The following GRM1 variants were observed in gnomAD, a reference collection of about 807,000 sequenced individuals.
GRM1 encodes metabotropic glutamate receptor 1.
GRM1 carries 33 observed loss-of-function variants against 90.9 expected under a neutral mutation model. The observed-to-expected ratio is 0.36, with a 90% confidence interval of 0.28 to 0.49. GRM1 has a LOEUF of 0.49. Among genes scored for constraint, GRM1 ranks in the 20% least tolerant of loss-of-function variants. The pLI is 0.99. For synonymous variants in GRM1, 700 were observed against 613.2 expected (o/e 1.14, Z -2.09); for missense variants, 1,190 against 1,534.3 (o/e 0.78, Z 3.75).
At chr6:146,432,359 C>A (rs946316416) in intron 7 of GRM1, among the ~76,000 whole-genome samples, 3 of 152,198 alleles carry the variant, frequency 2.0e-5, no homozygotes, top group African/African-American at 4.8e-5. Context: ...CTGTACTTAT[C>A]TGGCTCACTT....
chr6:146,375,104 T>A (rs770784065), intron 5 of GRM1, among the ~76,000 whole-genome samples: 4 of 152,098 alleles, frequency 2.6e-5, no homozygotes, highest in Non-Finnish European at 5.9e-5. Context: ...AATTTTTCAA[T>A]TTCCTTGTTA....
chr6:146,216,431 A>T (rs1226077535), intron 2 of GRM1, among the ~76,000 whole-genome samples: 1 of 152,198 alleles, frequency 6.6e-6, no homozygotes, highest in Non-Finnish European at 1.5e-5. Flanking sequence ...ACAGCATCAA[A>T]CATTGCTGTT....
At chr6:146,195,564 C>T (rs1314785602) in intron 2 of GRM1, among the ~76,000 whole-genome samples, 1 of 152,190 alleles carries the variant, frequency 6.6e-6, no homozygotes, top group Non-Finnish European at 1.5e-5. Context: ...AGGACTTGAC[C>T]CTGTGTGGGG....
At chr6:146,137,117 T>C (rs1776654887) in intron 1 of GRM1, among the ~76,000 whole-genome samples, 1 of 152,126 alleles carries the variant, frequency 6.6e-6, no homozygotes, top group Non-Finnish European at 1.5e-5. Flanking sequence ...CCTCCCAAAG[T>C]GCTGAGATTA....
intron 1 of GRM1, among the ~76,000 whole-genome samples, chr6:146,037,607 T>C (rs1225928911): frequency 6.6e-6 from 1 of 151,986 alleles, no homozygotes; most frequent in East Asian, 1.9e-4. Flanking sequence ...ATTCCTCTTC[T>C]GAAAACTCAC....
intron 2 of GRM1, among the ~76,000 whole-genome samples, chr6:146,294,956 T>C (rs1436034669): frequency 1.3e-5 from 2 of 151,904 alleles, no homozygotes; most frequent in African/African-American, 4.8e-5. Context: ...GATATCGATG[T>C]TTTTCTTTTT....
chr6:146,392,318 A>G (rs1408490641), intron 6 of GRM1, among the ~76,000 whole-genome samples: 1 of 152,128 alleles, frequency 6.6e-6, no homozygotes, highest in African/African-American at 2.4e-5. Flanking sequence ...TGTGTGAATA[A>G]GAACCTAGAG....
intron 1 of GRM1, among the ~76,000 whole-genome samples, chr6:146,098,323 A>G (rs1461351963): frequency 6.6e-6 from 1 of 152,206 alleles, no homozygotes; most frequent in African/African-American, 2.4e-5. Context: ...AAGGATATTG[A>G]TAATATTGTT....
At chr6:146,270,948 CCTTCCTTTCTTT>C (rs1275653626) in intron 2 of GRM1, among the ~76,000 whole-genome samples, 2 of 122,166 alleles carry the variant, frequency 1.6e-5, no homozygotes, top group African/African-American at 7.5e-5. Context: ...TTCCTTCCTT[CCTTCCTTTCTTT>C]CTTTCTTTTT....
chr6:146,352,428 C>G lies in GRM1; in HGVS notation c.1365C>G (p.Ile455Met), dbSNP rs773819357. The G allele has an allele frequency of 6.2e-7, 1 of 1,613,074 alleles. No homozygotes were observed. Among genetic ancestry groups the G allele is most frequent in the Non-Finnish European group, 8.5e-7 (1 of 1,179,022 alleles). The change falls in exon 4 of 8, where the codon ATC becomes ATG. Residue 455 changes from isoleucine (I) to methionine (M), a missense_variant. Coordinates refer to ENST00000282753, the MANE Select transcript of GRM1 (RefSeq NM_001278064.2). The part of the protein sequence containing the change: ...IDGSKLLDFL[I>M]KSSFIGVSGE... ...GCAGCAAGCTGCTGGACTTCCTCAT[C>G]AAGTCCTCATTCATTGGAGTATCTG... is the stretch of plus-strand genomic sequence containing the variant.
chr6:146,078,623 T>G (rs1351093339), intron 1 of GRM1, among the ~76,000 whole-genome samples: 1 of 152,176 alleles, frequency 6.6e-6, no homozygotes, highest in Non-Finnish European at 1.5e-5. Flanking sequence ...ATAAATATAT[T>G]TGGATACATA....
At chr6:146,368,606 C>A (rs1384536423) in intron 5 of GRM1, among the ~76,000 whole-genome samples, 2 of 151,928 alleles carry the variant, frequency 1.3e-5, no homozygotes, top group Non-Finnish European at 2.9e-5. Flanking sequence ...TTATCAAATA[C>A]TTTTTCTGCA....
intron 1 of GRM1, among the ~76,000 whole-genome samples, chr6:146,119,041 G>A (rs1335221807): frequency 6.6e-6 from 1 of 152,192 alleles, no homozygotes; most frequent in African/African-American, 2.4e-5. Flanking sequence ...GGTTGAATTA[G>A]TTTACAGTCC....
chr6:146,222,600 T>C (rs903515807), intron 2 of GRM1, among the ~76,000 whole-genome samples: 1 of 152,082 alleles, frequency 6.6e-6, no homozygotes, highest in African/African-American at 2.4e-5. Flanking sequence ...TTACCTTTTT[T>C]AATCCATTCA....
At chr6:146,210,108 T>C (rs750277600) in intron 2 of GRM1, among the ~76,000 whole-genome samples, 1 of 152,190 alleles carries the variant, frequency 6.6e-6, no homozygotes, top group African/African-American at 2.4e-5. Context: ...TAGGAGTCTC[T>C]TGGCTTTTAT....
chr6:146,329,386 G>T (rs965716299), intron 3 of GRM1, among the ~76,000 whole-genome samples: 2 of 152,152 alleles, frequency 1.3e-5, no homozygotes, highest in African/African-American at 2.4e-5. Context: ...GGAGGACAGG[G>T]ATCTGAAGGA....
chr6:146,334,734 C>A (rs76921951), intron 3 of GRM1, among the ~76,000 whole-genome samples: 55 of 152,270 alleles, frequency 3.6e-4, no homozygotes, highest in African/African-American at 1.3e-3. Flanking sequence ...CTTACTGTAA[C>A]AGAGTGGCTA....
In GRM1 at chr6:146,436,593, G is replaced by C. The variant is rs1778601825; in HGVS notation, c.*1797G>C. ...CATGGACTTTTATTCCTGTGTCTTG[G>C]CTGTCATAACTTTTTATTTCTGCTA... On this transcript the variant is annotated 3_prime_UTR_variant, in exon 8 of 8. Coordinates refer to ENST00000282753, the MANE Select transcript of GRM1 (RefSeq NM_001278064.2). 1 of 151,990 alleles carries C rather than the reference G, an allele frequency of 6.6e-6. No individual in the cohort carries two copies. The highest frequency in any genetic ancestry group is 1.5e-5 in the Non-Finnish European group (1 of 67,946). 9.4% of individuals were successfully genotyped at this position (151,990 alleles called of 1,614,324 possible). A position where few individuals can be genotyped will look rare whatever the true frequency, so the allele number is the denominator to read the frequency against.
chr6:146,374,342 T>A (rs1776015535), intron 5 of GRM1, among the ~76,000 whole-genome samples: 1 of 152,188 alleles, frequency 6.6e-6, no homozygotes, highest in Admixed American at 6.5e-5. Context: ...TTTTGATGTA[T>A]CTTTATCTGG....
Sources: gnomAD v4.1 joint callset for allele counts (sites outside exome capture counted in the v4.1 genomes callset) on GRCh38, gnomAD v4.1.1 for gene constraint, MANE v1.5 for transcripts, NCBI Gene and HGNC (gene_info 2026-07-23, HGNC 2026-07-21) for gene names.